Variants in KCND2 observed in about 807,000 individuals in gnomAD.
KCND2 encodes the protein potassium voltage-gated channel subfamily D member 2.
KCND2 carries 16 observed loss-of-function variants against 54.4 expected under a neutral mutation model. The ratio of observed to expected loss-of-function variants is 0.29; its 90% CI spans 0.20 to 0.45. The LOEUF is 0.45. Among genes scored for constraint, KCND2 ranks in the 20% least tolerant of loss-of-function variants. The pLI is 1.00. For missense variants in KCND2, 486 were observed against 824.2 expected, an observed-to-expected ratio of 0.59 and a Z score of 5.02; for synonymous variants, 317 against 310.7, an observed-to-expected ratio of 1.02 and a Z score of -0.21.
chr7:120,358,281 T>C (rs999732099), intron 1 of KCND2, among the ~76,000 whole-genome samples: 1 of 152,144 alleles, frequency 6.6e-6, no homozygotes, highest in Non-Finnish European at 1.5e-5. Context: ...ATTAGGATGC[T>C]CCTTGTGGTT....
intron 2 of KCND2, among the ~76,000 whole-genome samples, chr7:120,737,514 C>G (rs961558301): frequency 6.6e-6 from 1 of 151,928 alleles, no homozygotes; most frequent in African/African-American, 2.4e-5. Context: ...TCTGCTTAGC[C>G]CTGCCATCTC....
At chr7:120,726,101 A>C (rs1792730613) in intron 1 of KCND2, among the ~76,000 whole-genome samples, 1 of 152,196 alleles carries the variant, frequency 6.6e-6, no homozygotes, top group Non-Finnish European at 1.5e-5. Flanking sequence ...AACGCAGAAT[A>C]CTTTAAACAA....
chr7:120,304,693 A>G (rs1371039468), intron 1 of KCND2, among the ~76,000 whole-genome samples: 1 of 152,098 alleles, frequency 6.6e-6, no homozygotes, highest in African/African-American at 2.4e-5. Flanking sequence ...TCTTTTTCAC[A>G]ATCTCTTTCT....
chr7:120,617,526 T>A (rs1359701894), intron 1 of KCND2, among the ~76,000 whole-genome samples: 1 of 152,184 alleles, frequency 6.6e-6, no homozygotes, highest in African/African-American at 2.4e-5. Context: ...CAGGAATGCT[T>A]ATACACTGCT....
chr7:120,641,856 A>AT (rs1433912974), intron 1 of KCND2, among the ~76,000 whole-genome samples: 1 of 143,900 alleles, frequency 6.9e-6, no homozygotes, highest in Non-Finnish European at 1.5e-5. Flanking sequence ...TAAAAAGATA[A>AT]TAAAAAAAAA....
In KCND2 at chr7:120,402,338, G is replaced by A. The variant is rs141598990; in HGVS notation, c.1115+126591G>A. The stretch of plus-strand genomic sequence containing the variant: ...AAAGGATGCTAAGAAAACAAAGAAC[G>A]GGGAGTACAACGGAATGATTGTAGT... On this transcript the variant is annotated intron_variant, in intron 1 of 5. Coordinates refer to ENST00000331113, the MANE Select transcript of KCND2 (RefSeq NM_012281.3). Among the ~76,000 whole-genome samples, 7 of 152,232 alleles carry A rather than the reference G, an allele frequency of 4.6e-5. 1 individual carries two copies. The highest frequency in any genetic ancestry group is 1.3e-4 in the Admixed American group (2 of 15,272).
At chr7:120,438,854 T>C (rs1801908663) in intron 1 of KCND2, among the ~76,000 whole-genome samples, 1 of 152,182 alleles carries the variant, frequency 6.6e-6, no homozygotes, top group Non-Finnish European at 1.5e-5. Flanking sequence ...TGTATATAGT[T>C]ATTTAAGTTA....
At chr7:120,713,082 T>C (rs1792559986) in intron 1 of KCND2, among the ~76,000 whole-genome samples, 1 of 152,170 alleles carries the variant, frequency 6.6e-6, no homozygotes, top group Admixed American at 6.6e-5. Flanking sequence ...GTAATATTAA[T>C]AGCCACCTCA....
intron 1 of KCND2, among the ~76,000 whole-genome samples, chr7:120,326,121 G>T (rs1799970302): frequency 1.3e-5 from 2 of 152,026 alleles, no homozygotes. Context: ...GTATAGAAAT[G>T]TAAATACTTA....
At chr7:120,557,297 T>C (rs954993046) in intron 1 of KCND2, among the ~76,000 whole-genome samples, 16 of 152,142 alleles carry the variant, frequency 1.1e-4, no homozygotes, top group African/African-American at 2.9e-4. Context: ...ACATTATAAT[T>C]CATCTTTTCT....
At chr7:120,699,554 G>A (rs1488582944) in intron 1 of KCND2, among the ~76,000 whole-genome samples, 1 of 152,148 alleles carries the variant, frequency 6.6e-6, no homozygotes, top group East Asian at 1.9e-4. Flanking sequence ...TTGTTATGGA[G>A]ACAAAGAGTA....
chr7:120,683,239 T>G (rs1484445213), intron 1 of KCND2, among the ~76,000 whole-genome samples: 1 of 152,192 alleles, frequency 6.6e-6, no homozygotes, highest in African/African-American at 2.4e-5. Flanking sequence ...GTTTTTTTAT[T>G]TGCTTTTTCT....
At chr7:120,521,076 A>G (rs1348828066) in intron 1 of KCND2, among the ~76,000 whole-genome samples, 1 of 152,202 alleles carries the variant, frequency 6.6e-6, no homozygotes, top group East Asian at 1.9e-4. Flanking sequence ...CACTTTAGAA[A>G]GAGAGTCATT....
intron 1 of KCND2, among the ~76,000 whole-genome samples, chr7:120,499,646 G>A (rs568297476): frequency 2.6e-5 from 4 of 151,558 alleles, no homozygotes; most frequent in East Asian, 1.9e-4. Flanking sequence ...TGCTCCTGTC[G>A]TGCCTCCAAC....
intron 1 of KCND2, among the ~76,000 whole-genome samples, chr7:120,724,941 A>G (rs1355473440): frequency 1.3e-5 from 2 of 152,222 alleles, no homozygotes; most frequent in African/African-American, 4.8e-5. Context: ...AGGAGACTAT[A>G]TAGTCTTTTA....
chr7:120,543,025 C>T (rs1474705278), intron 1 of KCND2, among the ~76,000 whole-genome samples: 1 of 152,062 alleles, frequency 6.6e-6, no homozygotes, highest in Admixed American at 6.6e-5. Flanking sequence ...CACATACACA[C>T]AGCCCTCATA....
chr7:120,727,498 C>A (rs565486812), intron 1 of KCND2, among the ~76,000 whole-genome samples: 23 of 152,164 alleles, frequency 1.5e-4, no homozygotes, highest in Non-Finnish European at 2.9e-4. Context: ...AATTCAAGAA[C>A]TTTGCATGAA....
At chr7:120,407,640 G>A (rs1397569353) in intron 1 of KCND2, among the ~76,000 whole-genome samples, 1 of 151,702 alleles carries the variant, frequency 6.6e-6, no homozygotes. Context: ...TGCATATAAA[G>A]CATGTTAACA....
At chr7:120,578,977 T>C (rs1792477235) in intron 1 of KCND2, among the ~76,000 whole-genome samples, 1 of 151,416 alleles carries the variant, frequency 6.6e-6, no homozygotes, top group South Asian at 2.1e-4. Context: ...AAATAAAGTT[T>C]GTAAAGATAT....
Sources: allele counts gnomAD v4.1 joint callset (sites outside exome capture counted in the v4.1 genomes callset), GRCh38; gene constraint gnomAD v4.1.1; transcripts MANE v1.5; gene names NCBI Gene and HGNC (gene_info 2026-07-23, HGNC 2026-07-21).